Variants in MED13L observed in about 807,000 individuals in gnomAD.
MED13L encodes the protein mediator of RNA polymerase II transcription subunit 13-like.
MED13L carries 7 observed loss-of-function variants against 220.9 expected under a neutral mutation model. The ratio of observed to expected loss-of-function variants is 0.03; its 90% CI spans 0.02 to 0.06. MED13L has a LOEUF of 0.06. MED13L is among the 10% of genes least tolerant of loss of function. The pLI is 1.00. For missense variants in MED13L, 1,965 were observed against 2,760.5 expected, an observed-to-expected ratio of 0.71 and a Z score of 6.46; for synonymous variants, 1,011 against 1,015.2, an observed-to-expected ratio of 1.00 and a Z score of 0.08.
At chr12:116,118,014 G>A (rs1239562084) in intron 2 of MED13L, among the ~76,000 whole-genome samples, 1 of 152,092 alleles carries the variant, frequency 6.6e-6, no homozygotes, top group Non-Finnish European at 1.5e-5. Context: ...TTACCATGTT[G>A]CCCAGGCTGC....
At chr12:116,215,477 T>G (rs1882937379) in intron 2 of MED13L, among the ~76,000 whole-genome samples, 1 of 152,164 alleles carries the variant, frequency 6.6e-6, no homozygotes, top group Non-Finnish European at 1.5e-5. Flanking sequence ...TCTTATAAAC[T>G]CTGAACACAA....
chr12:116,026,995 A>T (rs1880433136), intron 4 of MED13L, among the ~76,000 whole-genome samples: 1 of 152,308 alleles, frequency 6.6e-6, no homozygotes, highest in South Asian at 2.1e-4. Flanking sequence ...AGAAAAAAGG[A>T]AAAAGGTACA....
chr12:116,168,820 A>G (rs1224019471), intron 2 of MED13L, among the ~76,000 whole-genome samples: 1 of 152,216 alleles, frequency 6.6e-6, no homozygotes, highest in Non-Finnish European at 1.5e-5. Context: ...AGGACTCCAA[A>G]AAGTTTTTGT....
chr12:116,193,073 G>C (rs1334550935), intron 2 of MED13L, among the ~76,000 whole-genome samples: 1 of 151,962 alleles, frequency 6.6e-6, no homozygotes. Flanking sequence ...GGTTCGCAGT[G>C]AGCCGAGATC....
Position 115,961,156 on chromosome 12 carries a change from G to C in MED13L, c.*110C>G, listed in dbSNP as rs1486436405. 1 of 1,385,640 alleles carries C rather than the reference G, an allele frequency of 7.2e-7. No individual in the cohort carries two copies. Among genetic ancestry groups the C allele is most frequent in the Non-Finnish European group, 1.0e-6 (1 of 979,382 alleles). 85.8% of individuals were successfully genotyped at this position (1,385,640 alleles called of 1,614,324 possible). On this transcript the variant is annotated 3_prime_UTR_variant, in exon 31 of 31. Coordinates refer to ENST00000281928, the MANE Select transcript of MED13L (RefSeq NM_015335.5). ...GAAGGAATCACAGTGCAGGACTGTG[G>C]AGAGTGGTCTGAAGAAAAGGATGTG...
chr12:116,173,103 A>T (rs1879800618), intron 2 of MED13L, among the ~76,000 whole-genome samples: 1 of 150,656 alleles, frequency 6.6e-6, no homozygotes, highest in Admixed American at 6.6e-5. Context: ...AGAACAACTC[A>T]GGAAAAAAAA....
chr12:116,208,606 G>A (rs1392668016), intron 2 of MED13L, among the ~76,000 whole-genome samples: 1 of 152,174 alleles, frequency 6.6e-6, no homozygotes, highest in Admixed American at 6.5e-5. Context: ...AATAACTCAA[G>A]TAAGATTCAA....
chr12:116,260,825 C>A (rs1029811747), intron 1 of MED13L, among the ~76,000 whole-genome samples: 1 of 152,082 alleles, frequency 6.6e-6, no homozygotes, highest in East Asian at 1.9e-4. Context: ...ATAAACAAAA[C>A]CTTCATGTAA....
chr12:116,260,371 A>C (rs1355197543), intron 1 of MED13L, among the ~76,000 whole-genome samples: 1 of 152,180 alleles, frequency 6.6e-6, no homozygotes, highest in East Asian at 1.9e-4. Context: ...TTTAGCGCTT[A>C]ACTGAGCACT....
intron 3 of MED13L, among the ~76,000 whole-genome samples, chr12:116,108,206 G>C (rs1182578777): frequency 1.3e-5 from 2 of 151,834 alleles, no homozygotes; most frequent in African/African-American, 4.8e-5. Flanking sequence ...ACAGAAAATT[G>C]CCAGGAATAA....
At chr12:116,109,526 A>T (rs1165493708) in intron 3 of MED13L, among the ~76,000 whole-genome samples, 3 of 151,712 alleles carry the variant, frequency 2.0e-5, no homozygotes, top group East Asian at 1.9e-4. Flanking sequence ...TCATGATATT[A>T]AAAAAAAACA....
intron 2 of MED13L, among the ~76,000 whole-genome samples, chr12:116,142,591 G>A (rs1313080421): frequency 4.6e-5 from 7 of 152,178 alleles, no homozygotes; most frequent in Non-Finnish European, 1.0e-4. Flanking sequence ...AGGAGGCTGA[G>A]GCAGGAGAAT....
At chr12:116,130,486 C>A (rs1174741897) in intron 2 of MED13L, among the ~76,000 whole-genome samples, 2 of 152,176 alleles carry the variant, frequency 1.3e-5, no homozygotes. Context: ...GTATCATAAA[C>A]TGAAAGGCTG....
intron 4 of MED13L, among the ~76,000 whole-genome samples, chr12:116,081,674 C>T (rs1250873080): frequency 6.6e-6 from 1 of 152,084 alleles, no homozygotes. Context: ...TGAGACCAGC[C>T]CGGGAAACAT....
chr12:116,001,023 T>C (rs1054470483), intron 14 of MED13L, among the ~76,000 whole-genome samples: 2 of 152,196 alleles, frequency 1.3e-5, no homozygotes, highest in Non-Finnish European at 2.9e-5. Context: ...GCAATAATTT[T>C]ATACTAATTA....
intron 4 of MED13L, among the ~76,000 whole-genome samples, chr12:116,090,242 T>C (rs759782990): frequency 1.8e-4 from 27 of 152,236 alleles, no homozygotes; most frequent in Admixed American, 1.8e-3. Flanking sequence ...CAAAGGTGAA[T>C]AGGTGGTCAC....
intron 2 of MED13L, among the ~76,000 whole-genome samples, chr12:116,138,048 G>A (rs573194750): frequency 6.6e-6 from 1 of 151,744 alleles, no homozygotes; most frequent in African/African-American, 2.4e-5. Context: ...TAGAGACAGG[G>A]TTTTACCATG....
At chr12:116,210,433 G>A (rs1208562936) in intron 2 of MED13L, among the ~76,000 whole-genome samples, 1 of 151,444 alleles carries the variant, frequency 6.6e-6, no homozygotes, top group Non-Finnish European at 1.5e-5. Context: ...ATAAATGTTT[G>A]TTGAATGAAT....
At chr12:116,026,796 T>A (rs1452568010) in intron 4 of MED13L, among the ~76,000 whole-genome samples, 1 of 152,188 alleles carries the variant, frequency 6.6e-6, no homozygotes, top group African/African-American at 2.4e-5. Context: ...TTATCCCATA[T>A]ATAAAACTAT....
Sources: allele counts gnomAD v4.1 joint callset (sites outside exome capture counted in the v4.1 genomes callset), GRCh38; gene constraint gnomAD v4.1.1; transcripts MANE v1.5; gene names NCBI Gene and HGNC (gene_info 2026-07-23, HGNC 2026-07-21).